Variants in SEPSECS observed in about 807,000 individuals in gnomAD.
SEPSECS encodes O-phosphoseryl-tRNA(Sec) selenium transferase.
SEPSECS carries 42 observed loss-of-function variants against 52.1 expected under a neutral mutation model. That is an observed-to-expected ratio of 0.81 (90% CI 0.63 to 1.04). The LOEUF is 1.04. Ranked by LOEUF, SEPSECS falls within the 50% of genes least tolerant of loss-of-function variation. The pLI is 0.00. For synonymous variants in SEPSECS, 216 were observed against 211.4 expected, an observed-to-expected ratio of 1.02 and a Z score of -0.19; for missense variants, 590 against 610.6, an observed-to-expected ratio of 0.97 and a Z score of 0.36.
intron 8 of SEPSECS, among the ~76,000 whole-genome samples, chr4:25,132,762 G>C (rs1432248366): frequency 6.6e-6 from 1 of 152,156 alleles, no homozygotes; most frequent in Non-Finnish European, 1.5e-5. Context: ...ACTAGAGTGG[G>C]AGGGTCACAA....
chr4:25,144,679 CT>C lies in SEPSECS; in HGVS notation c.1026+94del. 8 of 871,270 alleles carry C rather than the reference CT, an allele frequency of 9.2e-6. No individual in the cohort carries two copies. In the South Asian group the frequency reaches 1.1e-4, roughly 12 times the overall value. 54.0% of individuals were successfully genotyped at this position (871,270 alleles called of 1,614,324 possible). On this transcript the variant is annotated intron_variant, in intron 8 of 10. Transcript: ENST00000382103. ...CTATCGGACCATACTAGATGTCTCC[CT>C]CCCAGTGCAAGAAACCAACAGGCAG...
intron 8 of SEPSECS, among the ~76,000 whole-genome samples, chr4:25,142,716 G>A (rs977599064): frequency 1.3e-5 from 2 of 152,188 alleles, no homozygotes; most frequent in African/African-American, 2.4e-5. Flanking sequence ...GAGGTAACAT[G>A]AAACTGAAGA....
At chr4:25,155,629 T>C (rs1712578234) in intron 4 of SEPSECS, among the ~76,000 whole-genome samples, 1 of 152,198 alleles carries the variant, frequency 6.6e-6, no homozygotes, top group Admixed American at 6.5e-5. Context: ...ATCATCTACT[T>C]AATGTTTTAC....
chr4:25,137,474 A>G (rs752493244), intron 8 of SEPSECS, among the ~76,000 whole-genome samples: 4 of 152,226 alleles, frequency 2.6e-5, no homozygotes, highest in Non-Finnish European at 5.9e-5. Flanking sequence ...AAAGCTCAAC[A>G]TCACTGATCA....
At position 25,123,822 on chromosome 4, in the gene SEPSECS, T is replaced by G; in HGVS notation, c.*109A>C. 1.0e-6 allele frequency: 1 copy of G among 977,544 alleles called. No homozygotes were observed. Among genetic ancestry groups the G allele is most frequent in the South Asian group, 1.3e-5 (1 of 74,744 alleles). The allele number at this position is 977,544 out of a possible 1,614,324, so 60.6% of individuals were successfully genotyped here. The stretch of plus-strand genomic sequence containing the variant: ...CCAAAGTCTGCTCCTTGACTGAATA[T>G]TCCCATGAAATTCTCAATTCAAAAA... On this transcript the variant is annotated 3_prime_UTR_variant, in exon 11 of 11. Coordinates refer to ENST00000382103, the MANE Select transcript of SEPSECS (RefSeq NM_016955.4).
In SEPSECS at chr4:25,121,374, C is replaced by T. The variant is rs180999105; in HGVS notation, c.*2557G>A. The T allele has an allele frequency of 6.6e-6, 1 of 152,100 alleles. No individual in the cohort carries two copies. The highest frequency in any genetic ancestry group is 6.6e-5 in the Admixed American group (1 of 15,248). The allele number at this position is 152,100 out of a possible 1,614,324, so 9.4% of individuals were successfully genotyped here. ...CCCAATGACTTTAAAAACCTAACTC[C>T]AATATTTTACCTGATAGTTTTAATA... On this transcript the variant is annotated 3_prime_UTR_variant, in exon 11 of 11. Coordinates refer to ENST00000382103, the MANE Select transcript of SEPSECS (RefSeq NM_016955.4).
Position 25,159,106 on chromosome 4 carries a change from C to A in SEPSECS, c.116G>T (p.Gly39Val). Reference protein sequence around the residue: ...EHLIRLLLEKGKCPENGWDES... With the variant: ...EHLIRLLLEKVKCPENGWDES... Reference sequence around the variant, plus strand: ...ATCCCAGCCATTCTCTGGACACTTGCCCTTAAAAAAAAAAAAAAACTTATG... The same window carrying A: ...ATCCCAGCCATTCTCTGGACACTTGACCTTAAAAAAAAAAAAAAACTTATG... The change falls in exon 2 of 11, where the codon GGC (glycine) becomes GTC (valine). Residue 39 changes from glycine to valine, a missense_variant and splice_region_variant. Physicochemically the swap from Gly to Val is moderately radical, Grantham distance 109. Transcript: ENST00000382103. 2 of 1,560,760 alleles carry A rather than the reference C, an allele frequency of 1.3e-6. No homozygotes were observed. Among genetic ancestry groups the A allele is most frequent in the Non-Finnish European group, 1.7e-6 (2 of 1,162,548 alleles).
intron 8 of SEPSECS, among the ~76,000 whole-genome samples, chr4:25,141,835 C>A (rs952539265): frequency 1.3e-5 from 2 of 152,182 alleles, no homozygotes; most frequent in Admixed American, 1.3e-4. Flanking sequence ...TCTCCTTGCT[C>A]TTTTTGCTCC....
Position 25,145,128 on chromosome 4 carries a change from A to G in SEPSECS, c.810T>C (p.Ala270=). The G allele has an allele frequency of 6.2e-7, 1 of 1,613,904 alleles. No individual in the cohort carries two copies. The highest frequency in any genetic ancestry group is 8.5e-7 in the Non-Finnish European group (1 of 1,179,910). Residue 270 remains alanine (A), a synonymous_variant, in exon 7 of 11, where the codon GCT becomes GCC. Transcript: ENST00000382103. The stretch of plus-strand genomic sequence containing the variant: ...CAAAAGCATCTATTCTACCAACTCG[A>G]GCCCCCTGGAATCAATATGATATTA... ...SKCMHLIQQG[A]RVGRIDAFVQ...
intron 8 of SEPSECS, among the ~76,000 whole-genome samples, chr4:25,134,393 T>TATTCTATATAAAATA (rs1298466096): frequency 1.3e-5 from 2 of 151,736 alleles, no homozygotes; most frequent in African/African-American, 2.4e-5. Context: ...GAAAGACACT[T>TATTCTATATAAAATA]ATTCTATATA....
Position 25,125,722 on chromosome 4 carries a change from G to T in SEPSECS, c.1183C>A (p.Leu395Ile). ...GCTCCAGAAACCTGTCTGGTAAAAA[G>T]CATCGAGCCAAGCTGAGTGACAGCT... ...DKAVTQLGSMLFTRQVSGARV... is the reference protein window; with the variant it reads ...DKAVTQLGSMIFTRQVSGARV... Residue 395 changes from leucine to isoleucine, a missense_variant, in exon 10 of 11, where the codon CTT (leucine) becomes ATT (isoleucine). Coordinates refer to ENST00000382103, the MANE Select transcript of SEPSECS (RefSeq NM_016955.4). The T allele has an allele frequency of 6.2e-7, 1 of 1,612,782 alleles. No homozygotes were observed. Among genetic ancestry groups the T allele is most frequent in the Non-Finnish European group, 8.5e-7 (1 of 1,179,170 alleles).
chr4:25,157,201 T>G (rs1358617141), intron 2 of SEPSECS, among the ~76,000 whole-genome samples: 2 of 152,190 alleles, frequency 1.3e-5, no homozygotes, highest in Admixed American at 1.3e-4. Flanking sequence ...CCATCAATTC[T>G]TTTTCTCCCT....
At chr4:25,152,916 A>C (rs1167916656) in intron 5 of SEPSECS, among the ~76,000 whole-genome samples, 1 of 151,972 alleles carries the variant, frequency 6.6e-6, no homozygotes, top group Non-Finnish European at 1.5e-5. Flanking sequence ...TTATACAAGT[A>C]AAGTCCTTTT....
chr4:25,155,116 C>T lies in SEPSECS; in HGVS notation c.583G>A (p.Gly195Ser). ...TTCAGGTCTGTACGCAGCTCGTCACCTTCCAAAACATTTTCTATCACCACA... is the reference window on the plus strand; with the variant it reads ...TTCAGGTCTGTACGCAGCTCGTCACTTTCCAAAACATTTTCTATCACCACA... Reference protein sequence around the residue: ...EPVVIENVLEGDELRTDLKAV... With the variant: ...EPVVIENVLESDELRTDLKAV... The change falls in exon 5 of 11, where the codon GGT becomes AGT. Residue 195 changes from glycine to serine, a missense_variant. Transcript: ENST00000382103. The T allele has an allele frequency of 6.2e-7, 1 of 1,614,138 alleles. No homozygotes were observed. Among genetic ancestry groups the T allele is most frequent in the Non-Finnish European group, 8.5e-7 (1 of 1,180,006 alleles).
chr4:25,145,930 A>G (rs966954304), intron 6 of SEPSECS, among the ~76,000 whole-genome samples: 4 of 152,224 alleles, frequency 2.6e-5, no homozygotes, highest in African/African-American at 7.2e-5. Flanking sequence ...ATGTTTCTAC[A>G]TAACTCATGC....
rs948458979 is a variant in SEPSECS at position 25,121,067 on chromosome 4, A to G, written c.*2864T>C. 1 of 152,108 alleles carries G rather than the reference A, an allele frequency of 6.6e-6. No homozygotes were observed. The highest frequency in any genetic ancestry group is 1.5e-5 in the Non-Finnish European group (1 of 67,980). The allele number at this position is 152,108 out of a possible 1,614,324, so 9.4% of individuals were successfully genotyped here. A position where few individuals can be genotyped will look rare whatever the true frequency, so the allele number is the denominator to read the frequency against. ...TTACCATTCTGTATATCAAGTGCCT[A>G]TTGGCTGAACAGAACTGTATTCAAT... On this transcript the variant is annotated 3_prime_UTR_variant, in exon 11 of 11. Transcript: ENST00000382103.
chr4:25,122,995 G>A lies in SEPSECS; in HGVS notation c.*936C>T, dbSNP rs1488758808. 6.6e-6 allele frequency: 1 copy of A among 152,092 alleles called. No homozygotes were observed. The highest frequency in any genetic ancestry group is 1.5e-5 in the Non-Finnish European group (1 of 67,994). 9.4% of individuals were successfully genotyped at this position (152,092 alleles called of 1,614,324 possible). A position where few individuals can be genotyped will look rare whatever the true frequency, so the allele number is the denominator to read the frequency against. ...AACCAATATATGCAGGCTGCTTAAA[G>A]CAAAAACAGTAAGTGGAATAATGTT... is the stretch of plus-strand genomic sequence containing the variant. On this transcript the variant is annotated 3_prime_UTR_variant, in exon 11 of 11. Coordinates refer to ENST00000382103, the MANE Select transcript of SEPSECS (RefSeq NM_016955.4).
At chr4:25,132,325 T>C (rs2109008933) in intron 8 of SEPSECS, among the ~76,000 whole-genome samples, 1 of 152,308 alleles carries the variant, frequency 6.6e-6, no homozygotes, top group African/African-American at 2.4e-5. Flanking sequence ...ACACCAATAA[T>C]ATAAAAAGGA....
chr4:25,153,834 A>G (rs2109031184), intron 5 of SEPSECS, among the ~76,000 whole-genome samples: 1 of 152,214 alleles, frequency 6.6e-6, no homozygotes, highest in Non-Finnish European at 1.5e-5. Context: ...AAAAATCTTC[A>G]TTAAATTTTT....
Sources: gnomAD v4.1 joint callset for allele counts (sites outside exome capture counted in the v4.1 genomes callset) on GRCh38, gnomAD v4.1.1 for gene constraint, MANE v1.5 for transcripts, NCBI Gene and HGNC (gene_info 2026-07-23, HGNC 2026-07-21) for gene names.